FHIT: variants seen among roughly 807,000 people sequenced by gnomAD.
FHIT encodes the protein fragile histidine triad diadenosine triphosphatase.
Under a neutral mutation model 17.9 loss-of-function variants are expected in FHIT, and 19 were observed. The ratio of observed to expected loss-of-function variants is 1.06; its 90% CI spans 0.74 to 1.56. The LOEUF (loss-of-function observed/expected upper bound fraction) is 1.56. Ranked by LOEUF, FHIT falls within the 40% of genes most tolerant of loss-of-function variation. FHIT has a pLI of 0.00. For missense variants in FHIT, 248 were observed against 189.2 expected (o/e 1.31, Z -1.82); for synonymous variants, 81 against 69.7 (o/e 1.16, Z -0.81).
chr3:61,095,876 T>C (rs1039330312), intron 2 of FHIT, among the ~76,000 whole-genome samples: 1 of 152,206 alleles, frequency 6.6e-6, no homozygotes, highest in Non-Finnish European at 1.5e-5. Flanking sequence ...TATCTTGTTC[T>C]ATAGAGAAGT....
At position 60,432,929 on chromosome 3, in the gene FHIT, TA is replaced by T. The variant is rs1403041852; in HGVS notation, c.103+103930del. ...CTAGAAGAATTGTCTTTTTTTTTTT[TA>T]CTGTGATAACACTTAAGATACATAC... On this transcript the variant is annotated intron_variant, in intron 5 of 9. Coordinates refer to ENST00000492590, the MANE Select transcript of FHIT (RefSeq NM_002012.4). 1.6e-4 allele frequency among the ~76,000 whole-genome samples: 24 copies of T among 150,206 alleles called. 1 individual carries two copies. In the South Asian group the frequency reaches 4.7e-3, roughly 30 times the overall value.
At chr3:61,206,728 T>C (rs1182173135) in intron 1 of FHIT, among the ~76,000 whole-genome samples, 8 of 151,888 alleles carry the variant, frequency 5.3e-5, no homozygotes, top group Admixed American at 4.6e-4. Flanking sequence ...GCTGAGACGA[T>C]GGGGTTTTCT....
chr3:59,766,511 C>A (rs1161621618), intron 8 of FHIT, among the ~76,000 whole-genome samples: 1 of 152,194 alleles, frequency 6.6e-6, no homozygotes, highest in Non-Finnish European at 1.5e-5. Flanking sequence ...ACTTCTCTGC[C>A]TTAAGAGCTT....
At chr3:60,339,195 T>G (rs1043200859) in intron 5 of FHIT, among the ~76,000 whole-genome samples, 1 of 152,200 alleles carries the variant, frequency 6.6e-6, no homozygotes, top group African/African-American at 2.4e-5. Context: ...TTCAAATATT[T>G]TCTTTGGATG....
intron 5 of FHIT, among the ~76,000 whole-genome samples, chr3:60,318,731 T>C (rs1000918145): frequency 6.6e-6 from 1 of 152,228 alleles, no homozygotes; most frequent in Non-Finnish European, 1.5e-5. Context: ...TCATTTTTGA[T>C]TGCTGCTGTA....
intron 8 of FHIT, among the ~76,000 whole-genome samples, chr3:59,865,086 T>G (rs1207628693): frequency 3.3e-5 from 5 of 152,206 alleles, no homozygotes; most frequent in African/African-American, 1.2e-4. Flanking sequence ...ATTTTCAAAT[T>G]ATGTACTTCA....
chr3:61,067,358 G>C (rs1043405591), intron 2 of FHIT, among the ~76,000 whole-genome samples: 1 of 152,118 alleles, frequency 6.6e-6, no homozygotes, highest in Non-Finnish European at 1.5e-5. Flanking sequence ...AAGTAAAAAG[G>C]TATATAGGAA....
intron 2 of FHIT, among the ~76,000 whole-genome samples, chr3:61,120,852 AG>A (rs1169594502): frequency 6.6e-6 from 1 of 152,080 alleles, no homozygotes; most frequent in Non-Finnish European, 1.5e-5. Flanking sequence ...ACTTGAAAAA[AG>A]GTTAGAGGAA....
At chr3:59,796,107 C>G (rs766741213) in intron 8 of FHIT, among the ~76,000 whole-genome samples, 1 of 152,142 alleles carries the variant, frequency 6.6e-6, no homozygotes, top group Non-Finnish European at 1.5e-5. Context: ...ATGATTCTCC[C>G]TAATTTGCTT....
intron 4 of FHIT, among the ~76,000 whole-genome samples, chr3:60,603,347 A>C (rs2107716670): frequency 6.6e-6 from 1 of 152,308 alleles, no homozygotes; most frequent in Admixed American, 6.5e-5. Context: ...AATTAAATTT[A>C]ACATCTTTAT....
intron 8 of FHIT, among the ~76,000 whole-genome samples, chr3:59,819,265 T>C (rs1461616699): frequency 6.6e-6 from 1 of 152,204 alleles, no homozygotes; most frequent in Non-Finnish European, 1.5e-5. Context: ...TCTTTGCCAA[T>C]TCTTTTCTGT....
At chr3:60,944,950 A>T (rs1244033769) in intron 3 of FHIT, among the ~76,000 whole-genome samples, 1 of 152,240 alleles carries the variant, frequency 6.6e-6, no homozygotes, top group Non-Finnish European at 1.5e-5. Context: ...AAGTCATAAG[A>T]TAGTCAACTC....
intron 8 of FHIT, among the ~76,000 whole-genome samples, chr3:59,855,526 A>G (rs967350578): frequency 1.6e-4 from 25 of 152,192 alleles, no homozygotes; most frequent in Admixed American, 5.2e-4. Flanking sequence ...CTATGAAGAA[A>G]TTAAAAGTTA....
chr3:60,260,692 G>A (rs2107609153), intron 5 of FHIT, among the ~76,000 whole-genome samples: 1 of 152,116 alleles, frequency 6.6e-6, no homozygotes, highest in Middle Eastern at 3.4e-3. Flanking sequence ...GACCTACTGG[G>A]CTGTATTTCC....
At chr3:60,483,145 T>C (rs1322745927) in intron 5 of FHIT, among the ~76,000 whole-genome samples, 1 of 152,140 alleles carries the variant, frequency 6.6e-6, no homozygotes, top group Non-Finnish European at 1.5e-5. Context: ...GTTGAATCCT[T>C]GAACAGACCA....
At chr3:60,799,012 G>T (rs1701092470) in intron 4 of FHIT, among the ~76,000 whole-genome samples, 1 of 151,944 alleles carries the variant, frequency 6.6e-6, no homozygotes, top group Non-Finnish European at 1.5e-5. Context: ...TACCCAGCCT[G>T]CAATAGGTTT....
intron 5 of FHIT, among the ~76,000 whole-genome samples, chr3:60,410,022 T>C (rs1412832994): frequency 6.6e-6 from 1 of 152,192 alleles, no homozygotes; most frequent in East Asian, 1.9e-4. Context: ...TTTTAATAAT[T>C]CTGGCAAGAA....
At chr3:59,763,860 G>A (rs1701654421) in intron 8 of FHIT, among the ~76,000 whole-genome samples, 1 of 152,020 alleles carries the variant, frequency 6.6e-6, no homozygotes, top group African/African-American at 2.4e-5. Context: ...AAGATGAGGT[G>A]GAGAAGTGGG....
chr3:59,957,313 T>C (rs571296238), intron 7 of FHIT, among the ~76,000 whole-genome samples: 2 of 152,238 alleles, frequency 1.3e-5, no homozygotes, highest in African/African-American at 4.8e-5. Context: ...AGAGAAAAGA[T>C]TGTGTGAAGA....
Sources: gnomAD v4.1 joint callset for allele counts (sites outside exome capture counted in the v4.1 genomes callset) on GRCh38, gnomAD v4.1.1 for gene constraint, MANE v1.5 for transcripts, NCBI Gene and HGNC (gene_info 2026-07-23, HGNC 2026-07-21) for gene names.